DAP: variants seen among roughly 807,000 people sequenced by gnomAD.
DAP encodes the protein death-associated protein 1.
DAP carries 8 observed loss-of-function variants against 13.8 expected under a neutral mutation model. The observed-to-expected ratio is 0.58, with a 90% CI of 0.34 to 1.05. The LOEUF (loss-of-function observed/expected upper bound fraction) is 1.05. Ranked by LOEUF, DAP falls within the 50% of genes least tolerant of loss-of-function variation. DAP has a pLI of 0.03. For synonymous variants in DAP, 47 were observed against 47.5 expected, an observed-to-expected ratio of 0.99 and a Z score of 0.04; for missense variants, 106 against 133.2, an observed-to-expected ratio of 0.80 and a Z score of 1.01.
intron 2 of DAP, 120 bp downstream of exon 2, chr5:10,748,055 C>G: frequency 2.9e-6 from 2 of 698,924 alleles, no homozygotes; most frequent in South Asian, 3.6e-5. Context: ...GAAAAATACA[C>G]AGAACAGGGC....
intron 2 of DAP, among the ~76,000 whole-genome samples, chr5:10,713,916 A>C (rs752613313): frequency 1.3e-5 from 2 of 152,226 alleles, no homozygotes; most frequent in Non-Finnish European, 2.9e-5. Context: ...ATTTCCTCTT[A>C]ATATTTGACA....
chr5:10,714,700 C>T (rs183400401), intron 2 of DAP, among the ~76,000 whole-genome samples: 4 of 152,026 alleles, frequency 2.6e-5, no homozygotes, highest in East Asian at 1.9e-4. Flanking sequence ...TGGTGGGAGG[C>T]GACTGCATCA....
chr5:10,755,764 G>A (rs1487870750), intron 1 of DAP, among the ~76,000 whole-genome samples: 1 of 152,254 alleles, frequency 6.6e-6, no homozygotes, highest in Non-Finnish European at 1.5e-5. Flanking sequence ...GAAGGGAAAA[G>A]CAGTCACAAA....
At chr5:10,697,341 A>G (rs989647324) in intron 2 of DAP, among the ~76,000 whole-genome samples, 1 of 152,238 alleles carries the variant, frequency 6.6e-6, no homozygotes, top group African/African-American at 2.4e-5. Context: ...ATTAGTCTGT[A>G]TAACGATCAT....
chr5:10,684,708 T>A (rs1738113247), intron 2 of DAP, among the ~76,000 whole-genome samples: 1 of 152,192 alleles, frequency 6.6e-6, no homozygotes, highest in African/African-American at 2.4e-5. Flanking sequence ...TACTCTTCTG[T>A]ACACTTATTT....
chr5:10,749,043 A>T (rs1165485823), intron 1 of DAP, among the ~76,000 whole-genome samples: 1 of 152,192 alleles, frequency 6.6e-6, no homozygotes, highest in Non-Finnish European at 1.5e-5. Context: ...TATTTCGGAC[A>T]TGTGATATAA....
At chr5:10,705,141 T>C (rs963480226) in intron 2 of DAP, among the ~76,000 whole-genome samples, 3 of 152,196 alleles carry the variant, frequency 2.0e-5, no homozygotes, top group African/African-American at 7.2e-5. Context: ...GGAAACCAGA[T>C]TAACTTCCTT....
chr5:10,742,979 A>G (rs181276233), intron 2 of DAP, among the ~76,000 whole-genome samples: 5 of 151,642 alleles, frequency 3.3e-5, no homozygotes, highest in Non-Finnish European at 4.4e-5. Flanking sequence ...ATATGTTCAT[A>G]CAGATACTTC....
intron 2 of DAP, among the ~76,000 whole-genome samples, chr5:10,689,999 T>C (rs1329261759): frequency 1.3e-5 from 2 of 152,206 alleles, no homozygotes; most frequent in Non-Finnish European, 2.9e-5. Context: ...CATCCTGCAC[T>C]GCTGTGCTCC....
chr5:10,730,905 G>T (rs1739441396), intron 2 of DAP, among the ~76,000 whole-genome samples: 3 of 87,500 alleles, frequency 3.4e-5, no homozygotes, highest in East Asian at 3.8e-4. Flanking sequence ...GAGCCCTAGT[G>T]AGGGGGAATC....
chr5:10,687,285 A>G (rs1410764390), intron 2 of DAP, among the ~76,000 whole-genome samples: 1 of 152,248 alleles, frequency 6.6e-6, no homozygotes. Flanking sequence ...CCATGGATCA[A>G]GAAGTAATTT....
intron 1 of DAP, among the ~76,000 whole-genome samples, chr5:10,749,743 C>CTTTTTT (rs34643253): frequency 1.7e-5 from 2 of 118,636 alleles, no homozygotes; most frequent in African/African-American, 3.1e-5. Context: ...GACCACACAA[C>CTTTTTT]TTTTTTTTTT....
chr5:10,756,842 G>A (rs1474878260), intron 1 of DAP, among the ~76,000 whole-genome samples: 1 of 152,214 alleles, frequency 6.6e-6, no homozygotes, highest in African/African-American at 2.4e-5. Context: ...TATGACTGCT[G>A]TTAGATGAAA....
chr5:10,731,490 C>A (rs1579810893), intron 2 of DAP, among the ~76,000 whole-genome samples: 2 of 152,316 alleles, frequency 1.3e-5, no homozygotes, highest in South Asian at 4.1e-4. Flanking sequence ...CAGGTCCTAA[C>A]ATCTGGCTCA....
chr5:10,698,129 C>T (rs1215239202), intron 2 of DAP, among the ~76,000 whole-genome samples: 3 of 152,124 alleles, frequency 2.0e-5, no homozygotes, highest in African/African-American at 7.2e-5. Flanking sequence ...AGCACAGCTA[C>T]TCACCAGCCA....
In DAP at chr5:10,756,526, T is replaced by C. The variant is rs1036303688; in HGVS notation, c.55+4488A>G. On this transcript the variant is annotated intron_variant, in intron 1 of 3. Coordinates refer to ENST00000230895, the MANE Select transcript of DAP (RefSeq NM_004394.3). ...TCTGAAGTTACTAAAAAAAGTAACA[T>C]GGCTTGAAATAAATATAATCGTGCT... 1.3e-5 allele frequency among the ~76,000 whole-genome samples: 2 copies of C among 152,218 alleles called. 1 individual carries two copies. The highest frequency in any genetic ancestry group is 2.9e-5 in the Non-Finnish European group (2 of 68,040).
intron 2 of DAP, among the ~76,000 whole-genome samples, chr5:10,685,500 C>T (rs542224162): frequency 6.6e-6 from 1 of 150,438 alleles, no homozygotes; most frequent in South Asian, 2.2e-4. Flanking sequence ...GGTCTGAATT[C>T]TAACATTTTA....
intron 2 of DAP, among the ~76,000 whole-genome samples, chr5:10,712,173 CAG>C (rs1459093175): frequency 6.6e-6 from 1 of 152,086 alleles, no homozygotes; most frequent in African/African-American, 2.4e-5. Context: ...TTTGAGGACA[CAG>C]GGAGAAGACG....
intron 2 of DAP, among the ~76,000 whole-genome samples, chr5:10,699,277 C>T (rs1738506754): frequency 6.6e-6 from 1 of 152,372 alleles, no homozygotes; most frequent in East Asian, 1.9e-4. Flanking sequence ...TGCACAATCT[C>T]TGGAGCATCT....
Sources: gnomAD v4.1 joint callset for allele counts (sites outside exome capture counted in the v4.1 genomes callset) on GRCh38, gnomAD v4.1.1 for gene constraint, MANE v1.5 for transcripts, NCBI Gene and HGNC (gene_info 2026-07-23, HGNC 2026-07-21) for gene names.